Variants in CASR observed in about 807,000 individuals in gnomAD.
CASR encodes the protein calcium sensing receptor.
Under a neutral mutation model 69.1 loss-of-function variants are expected in CASR, and 23 were observed. The ratio of observed to expected loss-of-function variants is 0.33; its 90% CI spans 0.24 to 0.47. The LOEUF (loss-of-function observed/expected upper bound fraction) is 0.47. Ranked by LOEUF, CASR falls within the 20% of genes least tolerant of loss-of-function variation. CASR has a pLI of 1.00. For synonymous variants in CASR, 541 were observed against 544.7 expected, an observed-to-expected ratio of 0.99 and a Z score of 0.10; for missense variants, 924 against 1,356.1, an observed-to-expected ratio of 0.68 and a Z score of 5.00.
intron 2 of CASR, among the ~76,000 whole-genome samples, chr3:122,256,208 T>A (rs879675438): frequency 7.9e-5 from 12 of 152,240 alleles, no homozygotes; most frequent in Non-Finnish European, 1.0e-4. Flanking sequence ...CATAGGTTTG[T>A]TATTTGTTTA....
chr3:122,229,012 T>A (rs1036702437), intron 1 of CASR, among the ~76,000 whole-genome samples: 20 of 152,224 alleles, frequency 1.3e-4, no homozygotes, highest in African/African-American at 4.8e-4. Flanking sequence ...TTATAAATGA[T>A]CTGATGCTCA....
intron 1 of CASR, among the ~76,000 whole-genome samples, chr3:122,202,601 A>G (rs757208292): frequency 6.6e-6 from 1 of 152,104 alleles, no homozygotes; most frequent in Non-Finnish European, 1.5e-5. Context: ...CATTGCTGTA[A>G]CTATCATCTT....
intron 4 of CASR, among the ~76,000 whole-genome samples, chr3:122,268,085 AT>A (rs1259531336): frequency 6.6e-6 from 1 of 152,328 alleles, no homozygotes; most frequent in East Asian, 1.9e-4. Context: ...GTTGGTTTAA[AT>A]TTTAATTGCC....
intron 1 of CASR, among the ~76,000 whole-genome samples, chr3:122,205,679 C>T (rs949650420): frequency 6.6e-6 from 1 of 151,966 alleles, no homozygotes; most frequent in African/African-American, 2.4e-5. Context: ...TTAACAATAA[C>T]AATTCTTCTA....
intron 1 of CASR, among the ~76,000 whole-genome samples, chr3:122,192,086 TGAGA>T (rs1315337953): frequency 6.6e-6 from 1 of 152,190 alleles, no homozygotes. Context: ...TTCTTCACAG[TGAGA>T]ATTTGAAACT....
chr3:122,205,278 A>G (rs1215066255), intron 1 of CASR, among the ~76,000 whole-genome samples: 1 of 152,104 alleles, frequency 6.6e-6, no homozygotes, highest in African/African-American at 2.4e-5. Context: ...GTCTAGTTTC[A>G]TTCTTCTGCA....
intron 1 of CASR, among the ~76,000 whole-genome samples, chr3:122,252,406 GGAA>G (rs2074499092): frequency 1.4e-3 from 8 of 5,638 alleles, no homozygotes; most frequent in African/African-American, 4.2e-3. Flanking sequence ...AAGGAAGGAA[GGAA>G]AAAGAAAGAA....
chr3:122,256,741 C>T (rs928944155), intron 2 of CASR, among the ~76,000 whole-genome samples: 1 of 152,170 alleles, frequency 6.6e-6, no homozygotes, highest in Non-Finnish European at 1.5e-5. Context: ...CCTCAGCCTC[C>T]CCTGTAGCTG....
At chr3:122,222,838 TA>T (rs56177249) in intron 1 of CASR, among the ~76,000 whole-genome samples, 5 of 149,772 alleles carry the variant, frequency 3.3e-5, no homozygotes, top group African/African-American at 9.8e-5. Context: ...CTCAACAAAT[TA>T]AAAAAAAAAT....
In CASR at chr3:122,278,626, C is replaced by G. The variant is rs537447949; in HGVS notation, c.1608+2584C>G. On this transcript the variant is annotated intron_variant, in intron 5 of 6. Transcript: ENST00000639785. Reference sequence around the variant, plus strand: ...AAATGGATCTTTCCGGTGGCTACCTCAGCCCACTCCTGTGGTGATAGGATT... The same window carrying G: ...AAATGGATCTTTCCGGTGGCTACCTGAGCCCACTCCTGTGGTGATAGGATT... 6.6e-4 allele frequency among the ~76,000 whole-genome samples: 100 copies of G among 152,312 alleles called. 1 individual carries two copies. In the South Asian group the frequency reaches 9.1e-3, roughly 14 times the overall value.
chr3:122,237,729 A>G (rs902428107), intron 1 of CASR, among the ~76,000 whole-genome samples: 1 of 152,224 alleles, frequency 6.6e-6, no homozygotes, highest in Non-Finnish European at 1.5e-5. Flanking sequence ...TAGATACAAT[A>G]TAATCATATA....
At chr3:122,242,786 A>G (rs2074390459) in intron 1 of CASR, among the ~76,000 whole-genome samples, 1 of 152,184 alleles carries the variant, frequency 6.6e-6, no homozygotes, top group African/African-American at 2.4e-5. Flanking sequence ...CTACAGAAGT[A>G]TGGCAACCAA....
chr3:122,248,611 T>TC (rs1470775811), intron 1 of CASR, among the ~76,000 whole-genome samples: 1 of 150,984 alleles, frequency 6.6e-6, no homozygotes, highest in Non-Finnish European at 1.5e-5. Flanking sequence ...ACCTAGAATT[T>TC]TTTTTTTTTT....
chr3:122,269,657 T>G (rs986502111), intron 4 of CASR, among the ~76,000 whole-genome samples: 1 of 152,190 alleles, frequency 6.6e-6, no homozygotes, highest in Non-Finnish European at 1.5e-5. Flanking sequence ...GTCTAAAGTT[T>G]TATTTTCTTG....
chr3:122,249,048 C>T (rs939498259), intron 1 of CASR, among the ~76,000 whole-genome samples: 1 of 152,212 alleles, frequency 6.6e-6, no homozygotes, highest in Non-Finnish European at 1.5e-5. Context: ...CGTGGGGTGA[C>T]CCCTTCCTTG....
At chr3:122,252,473 G>GAA (rs397948846) in intron 1 of CASR, among the ~76,000 whole-genome samples, 1 of 102,136 alleles carries the variant, frequency 9.8e-6, no homozygotes, top group African/African-American at 3.9e-5. Context: ...GAAAAGAAAA[G>GAA]AAGGGAGGGA....
At chr3:122,203,822 A>T (rs752780692) in intron 1 of CASR, among the ~76,000 whole-genome samples, 1 of 152,248 alleles carries the variant, frequency 6.6e-6, no homozygotes, top group African/African-American at 2.4e-5. Flanking sequence ...TAGCTCCATC[A>T]TAATTTTATG....
chr3:122,245,273 T>C (rs770235339), intron 1 of CASR: 1 of 152,198 alleles, frequency 6.6e-6, no homozygotes, highest in Non-Finnish European at 1.5e-5. Flanking sequence ...GATACAGCCA[T>C]TCATCTTTTC....
rs1168638795 is a variant in CASR at position 122,290,904 on chromosome 3, G to A, written c.*5713G>A. The A allele has an allele frequency of 1.1e-4, 14 of 123,162 alleles. No individual in the cohort carries two copies. Among genetic ancestry groups the A allele is most frequent in the Non-Finnish European group, 2.1e-4 (13 of 62,742 alleles). The allele number at this position is 123,162 out of a possible 1,614,324, so 7.6% of individuals were successfully genotyped here. On this transcript the variant is annotated 3_prime_UTR_variant, in exon 7 of 7. Coordinates refer to ENST00000639785, the MANE Select transcript of CASR (RefSeq NM_000388.4). Reference sequence around the variant, plus strand: ...CTCCCCCCACCCCACAATAGGCCCTGGTGTGTGATGTTCCCCTTCCTGTGT... The same window carrying A: ...CTCCCCCCACCCCACAATAGGCCCTAGTGTGTGATGTTCCCCTTCCTGTGT...
Sources: gnomAD v4.1 joint callset for allele counts (sites outside exome capture counted in the v4.1 genomes callset) on GRCh38, gnomAD v4.1.1 for gene constraint, MANE v1.5 for transcripts, NCBI Gene and HGNC (gene_info 2026-07-23, HGNC 2026-07-21) for gene names.